Variants in TSHZ3 observed in about 807,000 individuals in gnomAD.
TSHZ3 encodes the protein teashirt homolog 3.
A neutral mutation model predicts 64.5 loss-of-function variants in TSHZ3; 10 were observed. The ratio of observed to expected loss-of-function variants is 0.16; its 90% CI spans 0.10 to 0.26. The LOEUF is 0.26. Among genes scored for constraint, TSHZ3 ranks in the 10% least tolerant of loss-of-function variants. The pLI is 1.00. For missense variants in TSHZ3, 1,242 were observed against 1,421.7 expected, an observed-to-expected ratio of 0.87 and a Z score of 2.03; for synonymous variants, 608 against 593.1, an observed-to-expected ratio of 1.03 and a Z score of -0.36.
Position 31,278,092 on chromosome 19 carries a change from C to G in TSHZ3, c.1701G>C (p.Ser567=), listed in dbSNP as rs535657734. ...TGGGTTTCAGGGGCGTGCTCTTCCCCGACGAGCCCAGGGACAACTTCATCA... is the reference window on the plus strand; with the variant it reads ...TGGGTTTCAGGGGCGTGCTCTTCCCGGACGAGCCCAGGGACAACTTCATCA... ...PNMMKLSLGS[S]GKSTPLKPMF... Residue 567 remains serine (S), a synonymous_variant, in exon 2 of 2, where the codon TCG becomes TCC. Coordinates refer to ENST00000240587, the MANE Select transcript of TSHZ3 (RefSeq NM_020856.4). This position sits in a 1 kb window ranked among gnomAD's most constrained non-coding sequence, Gnocchi z 4.7. 4 of 1,614,140 alleles carry G rather than the reference C, an allele frequency of 2.5e-6. No individual in the cohort carries two copies. In the South Asian group the frequency reaches 3.3e-5, roughly 13 times the overall value.
intron 1 of TSHZ3, among the ~76,000 whole-genome samples, chr19:31,295,721 A>G (rs144335767): frequency 1.3e-5 from 2 of 151,838 alleles, no homozygotes; most frequent in Non-Finnish European, 2.9e-5. Flanking sequence ...TTCCACCTAC[A>G]CTTATATTCG....
At chr19:31,320,582 C>T (rs554819929) in intron 1 of TSHZ3, among the ~76,000 whole-genome samples, 3 of 152,206 alleles carry the variant, frequency 2.0e-5, no homozygotes, top group Non-Finnish European at 2.9e-5. Context: ...GTGTCCTTCT[C>T]GGGAGAAGGG....
At chr19:31,257,782 C>G (rs1012334889) in intron 1 of TSHZ3, among the ~76,000 whole-genome samples, 1 of 152,182 alleles carries the variant, frequency 6.6e-6, no homozygotes, top group African/African-American at 2.4e-5. Context: ...TAGTCACCAC[C>G]TATGCAGAGT....
intron 1 of TSHZ3, among the ~76,000 whole-genome samples, chr19:31,299,381 A>C (rs1177752197): frequency 6.6e-6 from 1 of 152,112 alleles, no homozygotes; most frequent in African/African-American, 2.4e-5. Flanking sequence ...GGAGACACAA[A>C]CTATGCAAGG....
chr19:31,247,966 C>T (rs1463686435), intron 1 of TSHZ3, among the ~76,000 whole-genome samples: 2 of 152,272 alleles, frequency 1.3e-5, no homozygotes, highest in East Asian at 1.9e-4. Context: ...AATGAACTCA[C>T]AGTTCCACAT....
intron 1 of TSHZ3, among the ~76,000 whole-genome samples, chr19:31,329,128 G>A (rs1261374054): frequency 6.6e-6 from 1 of 152,266 alleles, no homozygotes; most frequent in East Asian, 1.9e-4. Context: ...CACTGAAAAC[G>A]GATATTTGTT....
At position 31,276,850 on chromosome 19, in the gene TSHZ3, A is replaced by C. The variant is rs1976244867; in HGVS notation, c.2943T>G (p.Cys981Trp). ...TGHPVFFCND[C>W]ASQIRTPSTY... ...TGGAAGGAGTCCTGATTTGGGACGC[A>C]CAATCGTTACAAAAGAAGACGGGGT... is the stretch of plus-strand genomic sequence containing the variant. Residue 981 changes from cysteine to tryptophan, a missense_variant, in exon 2 of 2, where the codon TGT (cysteine) becomes TGG (tryptophan). This residue lies in a region of TSHZ3 where 126 missense variants were observed against 140.6 expected (regional missense o/e 0.90). Transcript: ENST00000240587. 6.2e-7 allele frequency: 1 copy of C among 1,614,102 alleles called. No individual in the cohort carries two copies. The highest frequency in any genetic ancestry group is 1.7e-5 in the Admixed American group (1 of 60,006).
intron 4 of TSHZ3, among the ~76,000 whole-genome samples, chr19:31,211,867 A>G (rs1431868645): frequency 6.6e-6 from 1 of 152,158 alleles, no homozygotes; most frequent in Non-Finnish European, 1.5e-5. Context: ...AGAAGGATCA[A>G]GGGAAAGGTG....
chr19:31,202,585 C>G lies in TSHZ3; in HGVS notation n.809+2371G>C, dbSNP rs570854112. Among the ~76,000 whole-genome samples the G allele has an allele frequency of 9.9e-5, 15 of 152,246 alleles. No individual in the cohort carries two copies. The East Asian group carries it at 2.9e-3, about 29-fold the overall frequency. ...TCATTATTGGGTAGTTAGATCACTT[C>G]CAATTTTTTATATTTGATACAACAC... On this transcript the variant is annotated intron_variant and non_coding_transcript_variant, in intron 5 of 6. Transcript: ENST00000651361.
chr19:31,293,186 T>C (rs975937178), intron 1 of TSHZ3, among the ~76,000 whole-genome samples: 1 of 152,262 alleles, frequency 6.6e-6, no homozygotes, highest in Non-Finnish European at 1.5e-5. Flanking sequence ...TCATCCAATA[T>C]GTATTAGACA....
chr19:31,311,161 C>A (rs1916446857), intron 1 of TSHZ3, among the ~76,000 whole-genome samples: 1 of 152,236 alleles, frequency 6.6e-6, no homozygotes. Flanking sequence ...AGACTCTGGG[C>A]TAAGCACTGC....
intron 5 of TSHZ3, among the ~76,000 whole-genome samples, chr19:31,168,151 A>AT (rs374202613): frequency 1.8e-4 from 28 of 151,512 alleles, no homozygotes; most frequent in East Asian, 3.9e-4. Flanking sequence ...TTGATCTAGT[A>AT]TTTTTTTTTC....
intron 3 of TSHZ3, among the ~76,000 whole-genome samples, chr19:31,239,844 A>G (rs1252511383): frequency 1.3e-5 from 2 of 152,174 alleles, no homozygotes; most frequent in Non-Finnish European, 2.9e-5. Flanking sequence ...TGGCCTCCCA[A>G]ACACTTGCAC....
chr19:31,239,855 T>A (rs1358211642), intron 3 of TSHZ3, among the ~76,000 whole-genome samples: 4 of 152,218 alleles, frequency 2.6e-5, no homozygotes, highest in Admixed American at 6.5e-5. Context: ...ACACTTGCAC[T>A]TTTAAAATGT....
At chr19:31,299,671 T>G (rs1976721660) in intron 1 of TSHZ3, among the ~76,000 whole-genome samples, 1 of 152,150 alleles carries the variant, frequency 6.6e-6, no homozygotes, top group African/African-American at 2.4e-5. Flanking sequence ...AAGGTCCCCG[T>G]GTCCACACAT....
At chr19:31,254,714 A>G (rs1975886160) in intron 1 of TSHZ3, among the ~76,000 whole-genome samples, 1 of 152,204 alleles carries the variant, frequency 6.6e-6, no homozygotes, top group Admixed American at 6.5e-5. Flanking sequence ...ACATGGGCTG[A>G]GTCCCCATTC....
chr19:31,316,699 G>A (rs1916612032), intron 1 of TSHZ3, among the ~76,000 whole-genome samples: 1 of 152,136 alleles, frequency 6.6e-6, no homozygotes, highest in Admixed American at 6.5e-5. Flanking sequence ...GGCTGTTAGG[G>A]AAGGAAATGT....
chr19:31,350,501 G>A (rs2021687777), upstream of TSHZ3, among the ~76,000 whole-genome samples: 1 of 151,336 alleles, frequency 6.6e-6, no homozygotes, highest in Non-Finnish European at 1.5e-5. Context: ...AAGGAAACCG[G>A]GCTCCCCTGC....
chr19:31,156,698 G>A (rs1031143580), intron 5 of TSHZ3, among the ~76,000 whole-genome samples: 1 of 152,086 alleles, frequency 6.6e-6, no homozygotes, highest in South Asian at 2.1e-4. Context: ...AAGCCAAGTG[G>A]TTCATGGATT....
Sources: gnomAD v4.1 joint callset for allele counts (sites outside exome capture counted in the v4.1 genomes callset) on GRCh38, gnomAD v4.1.1 for gene constraint, gnomAD v4.1.1 regional missense constraint, Gnocchi (gnomAD v3.1) non-coding constraint, MANE v1.5 for transcripts, NCBI Gene and HGNC (gene_info 2026-07-23, HGNC 2026-07-21) for gene names.